SYNE1: variants seen among roughly 807,000 people sequenced by gnomAD.
SYNE1 encodes nesprin-1.
Under a neutral mutation model 1,111.0 loss-of-function variants are expected in SYNE1, and 616 were observed. The observed-to-expected ratio is 0.55, with a 90% CI of 0.52 to 0.59. The LOEUF is 0.59. SYNE1 is among the 20% of genes least tolerant of loss of function. The pLI, the probability that SYNE1 is intolerant of heterozygous loss-of-function variation, is 0.00. For synonymous variants in SYNE1, 3,855 were observed against 3,825.8 expected (o/e 1.01, Z -0.28); for missense variants, 10,006 against 10,417.0 (o/e 0.96, Z 1.72).
At chr6:152,122,829 A>AC (rs2051797426) in intron 145 of SYNE1, among the ~76,000 whole-genome samples, 153 bp from the exon 146 acceptor site, 1 of 152,040 alleles carries the variant, frequency 6.6e-6, no homozygotes, top group South Asian at 2.1e-4. Context: ...TGCCCAGGTC[A>AC]CCCCCCACCA....
Position 152,269,138 on chromosome 6 carries a change from G to A in SYNE1, c.18705+17C>T. 1 of 1,614,166 alleles carries A rather than the reference G, an allele frequency of 6.2e-7. No individual in the cohort carries two copies. Among genetic ancestry groups the A allele is most frequent in the Non-Finnish European group, 8.5e-7 (1 of 1,180,036 alleles). ...TGGGCAGATCTGCAAGCTAGAGAGA[G>A]GTAGGAAACACTTTACTTTTTGTTG... On this transcript the variant is annotated intron_variant, in intron 99 of 145. Transcript: ENST00000367255.
Position 152,506,083 on chromosome 6 carries a change from G to A in SYNE1, c.582-686C>T, listed in dbSNP as rs1239615786. 3.3e-5 allele frequency among the ~76,000 whole-genome samples: 5 copies of A among 152,320 alleles called. No individual in the cohort carries two copies. In the East Asian group the frequency reaches 7.7e-4, roughly 23 times the overall value. On this transcript the variant is annotated intron_variant, in intron 8 of 145. Coordinates refer to ENST00000367255, the MANE Select transcript of SYNE1 (RefSeq NM_182961.4). Reference sequence around the variant, plus strand: ...TAATTGTCTTGAGGGCAAAGCCGTGGTGGTAAATCTTTTTTCTTTGATGGC... The same window carrying A: ...TAATTGTCTTGAGGGCAAAGCCGTGATGGTAAATCTTTTTTCTTTGATGGC...
At chr6:152,515,761 C>G (rs1462589963) in intron 6 of SYNE1, among the ~76,000 whole-genome samples, 1 of 152,186 alleles carries the variant, frequency 6.6e-6, no homozygotes, top group Non-Finnish European at 1.5e-5. Flanking sequence ...GCTGAATGAT[C>G]TGCCTGACAC....
chr6:152,130,906 C>T, intron 144 of SYNE1, 128 bp from the exon 145 acceptor site: 1 of 902,554 alleles, frequency 1.1e-6, no homozygotes, highest in Non-Finnish European at 1.7e-6. Flanking sequence ...TGATCAGTAC[C>T]CATGAATTAA....
intron 34 of SYNE1, among the ~76,000 whole-genome samples, chr6:152,431,679 G>A (rs1335295142): frequency 3.3e-5 from 5 of 151,994 alleles, no homozygotes; most frequent in Non-Finnish European, 7.4e-5. Flanking sequence ...AAATACTATT[G>A]CCCTAGGAAA....
chr6:152,463,003 C>A, intron 19 of SYNE1, 113 bp from the exon 20 acceptor site: 2 of 1,279,470 alleles, frequency 1.6e-6, no homozygotes, highest in Non-Finnish European at 2.2e-6. Context: ...AAGAAAGACT[C>A]TAATCTTTGA....
In SYNE1 at chr6:152,407,284, G is replaced by A. The variant is rs965027518; in HGVS notation, c.6541-88C>T. The A allele has an allele frequency of 1.9e-5, 25 of 1,310,060 alleles. No homozygotes were observed. The East Asian group carries it at 5.3e-4, about 28-fold the overall frequency. The allele number at this position is 1,310,060 out of a possible 1,614,324, so 81.2% of individuals were successfully genotyped here. A position where few individuals can be genotyped will look rare whatever the true frequency, so the allele number is the denominator to read the frequency against. ...CAAAGTACCAATGCTTCTTTTATCAGAAAAGTATATTCTGACGGACAAACA... is the reference window on the plus strand; with the variant it reads ...CAAAGTACCAATGCTTCTTTTATCAAAAAAGTATATTCTGACGGACAAACA... On this transcript the variant is annotated intron_variant, in intron 44 of 145. Coordinates refer to ENST00000367255, the MANE Select transcript of SYNE1 (RefSeq NM_182961.4).
chr6:152,609,149 T>C (rs1369825903), intron 3 of SYNE1, among the ~76,000 whole-genome samples: 2 of 151,862 alleles, frequency 1.3e-5, no homozygotes, highest in African/African-American at 2.4e-5. Flanking sequence ...GAGGGTGAGC[T>C]GACGAAGCAG....
Position 152,122,320 on chromosome 6 carries a change from G to A in SYNE1, c.*116C>T. 22 of 1,561,890 alleles carry A rather than the reference G, an allele frequency of 1.4e-5. No individual in the cohort carries two copies. In the South Asian group the frequency reaches 2.1e-4, roughly 15 times the overall value. ...ACATGTGATCTGGAGGAGGGCTAAA[G>A]CTGCCACACCGAGGGCTTTCGCCAA... On this transcript the variant is annotated 3_prime_UTR_variant, in exon 146 of 146. Coordinates refer to ENST00000367255, the MANE Select transcript of SYNE1 (RefSeq NM_182961.4).
At chr6:152,437,850 T>C (rs2098488052) in intron 32 of SYNE1, among the ~76,000 whole-genome samples, 1 of 152,188 alleles carries the variant, frequency 6.6e-6, no homozygotes, top group Admixed American at 6.5e-5. Context: ...TCCTAGAACA[T>C]AGTACCATAT....
intron 127 of SYNE1, among the ~76,000 whole-genome samples, chr6:152,200,144 C>G (rs1337724649): frequency 1.3e-5 from 2 of 152,202 alleles, no homozygotes; most frequent in African/African-American, 4.8e-5. Context: ...CAAAAACCAA[C>G]TGTTTCAGAC....
intron 4 of SYNE1, among the ~76,000 whole-genome samples, chr6:152,533,399 T>C (rs1335442584): frequency 1.3e-5 from 2 of 152,276 alleles, no homozygotes; most frequent in East Asian, 3.9e-4. Flanking sequence ...TTTTCAGATG[T>C]AATAAAGTTT....
intron 134 of SYNE1, 90 bp from the exon 135 acceptor site, chr6:152,151,780 T>C (rs1174508578): frequency 6.5e-7 from 1 of 1,546,318 alleles, no homozygotes. Flanking sequence ...CAGTGTTCTG[T>C]AAAGTCATTT....
Position 152,390,452 on chromosome 6 carries a change from C to G in SYNE1, c.8005G>C (p.Asp2669His). ...CCTTCACCTTTCATCAGGAGAATATCCTGGGAAGGAAGAAAGAATACTCAT... is the reference window on the plus strand; with the variant it reads ...CCTTCACCTTTCATCAGGAGAATATGCTGGGAAGGAAGAAAGAATACTCAT... ...TLEKRLSQIQ[D>H]ILLMKGEGEV... The change falls in exon 53 of 146, where the codon GAT becomes CAT. Residue 2669 changes from aspartate (D) to histidine (H), a missense_variant and splice_region_variant. By Grantham distance (81) the Asp-to-His change is moderately conservative (BLOSUM62 -1). Coordinates refer to ENST00000367255, the MANE Select transcript of SYNE1 (RefSeq NM_182961.4). The G allele has an allele frequency of 6.2e-7, 1 of 1,613,876 alleles. No homozygotes were observed. Among genetic ancestry groups the G allele is most frequent in the South Asian group, 1.1e-5 (1 of 91,070 alleles).
chr6:152,542,601 G>T (rs73010954), intron 3 of SYNE1, among the ~76,000 whole-genome samples: 7,488 of 151,944 alleles, frequency 0.049, 394 homozygotes, highest in East Asian at 0.2. Flanking sequence ...TCAAGACACT[G>T]AACTACCAAG....
At chr6:152,410,587 C>G (rs1334655230) in intron 42 of SYNE1, among the ~76,000 whole-genome samples, 1 of 152,068 alleles carries the variant, frequency 6.6e-6, no homozygotes, top group South Asian at 2.1e-4. Context: ...ATGCAAAAAT[C>G]AGCCTGGCTT....
chr6:152,152,150 A>G lies in SYNE1; in HGVS notation c.24130-9T>C, dbSNP rs2060530822. On this transcript the variant is annotated splice_polypyrimidine_tract_variant and intron_variant, in intron 133 of 145. Transcript: ENST00000367255. ...ACCTGTCGCTGGAAAGCCTAAGGCC[A>G]CAGAGAAGCATATCAGTGTGAGAAA... 1 of 1,613,664 alleles carries G rather than the reference A, an allele frequency of 6.2e-7. No individual in the cohort carries two copies. Among genetic ancestry groups the G allele is most frequent in the South Asian group, 1.1e-5 (1 of 91,084 alleles).
chr6:152,547,648 A>AG (rs1446781863), intron 3 of SYNE1, among the ~76,000 whole-genome samples: 1 of 152,216 alleles, frequency 6.6e-6, no homozygotes, highest in Non-Finnish European at 1.5e-5. Context: ...TCCAAAAAAA[A>AG]GATTTGCAAA....
In SYNE1 at chr6:152,330,249, C is replaced by T; in HGVS notation, c.14436G>A (p.Glu4812=). The T allele has an allele frequency of 6.2e-7, 1 of 1,614,194 alleles. No homozygotes were observed. Among genetic ancestry groups the T allele is most frequent in the Middle Eastern group, 1.6e-4 (1 of 6,062 alleles). The change falls in exon 78 of 146, where the codon GAG becomes GAA. Residue 4812 remains glutamate, a synonymous_variant. Transcript: ENST00000367255. ...GGGAGTGATACATTTTGAGCTTCTC[C>T]TCTGCAGGCAGCGTTTCCTCATTCA... ...SKVNEETLPA[E]EKLKMYHSLA...
Sources: allele counts gnomAD v4.1 joint callset (sites outside exome capture counted in the v4.1 genomes callset), GRCh38; gene constraint gnomAD v4.1.1; transcripts MANE v1.5; gene names NCBI Gene and HGNC (gene_info 2026-07-23, HGNC 2026-07-21).